Variants in PTPN4 observed in about 807,000 individuals in gnomAD.
PTPN4 encodes the protein tyrosine-protein phosphatase non-receptor type 4.
Under a neutral mutation model 135.5 loss-of-function variants are expected in PTPN4, and 49 were observed. The observed-to-expected ratio is 0.36, with a 90% CI of 0.29 to 0.46. PTPN4 has a LOEUF of 0.46. Ranked by LOEUF, PTPN4 falls within the 20% of genes least tolerant of loss-of-function variation. The pLI, the probability that PTPN4 is intolerant of heterozygous loss-of-function variation, is 1.00. For missense variants in PTPN4, 860 were observed against 1,101.0 expected (o/e 0.78, Z 3.10); for synonymous variants, 333 against 369.9 (o/e 0.90, Z 1.14).
At chr2:119,793,187 G>A (rs890928205) in intron 1 of PTPN4, among the ~76,000 whole-genome samples, 1 of 152,174 alleles carries the variant, frequency 6.6e-6, no homozygotes, top group Admixed American at 6.5e-5. Context: ...TAAGGCAGAC[G>A]CTCCCAGAGC....
At position 119,944,829 on chromosome 2, in the gene PTPN4, A is replaced by G. The variant is rs80046547; in HGVS notation, c.1356-252A>G. Among the ~76,000 whole-genome samples, 50 of 152,222 alleles carry G rather than the reference A, an allele frequency of 3.3e-4. No individual in the cohort carries two copies. In the East Asian group the frequency reaches 8.1e-3, roughly 25 times the overall value. On this transcript the variant is annotated intron_variant, in intron 15 of 26. Transcript: ENST00000263708. ...TTGGAAAGATGTTTACTTTGTTATA[A>G]TAGATTAATAGGTATCTTCACAGGA...
At chr2:119,910,934 G>C in intron 10 of PTPN4, among the ~76,000 whole-genome samples, 1 of 152,230 alleles carries the variant, frequency 6.6e-6, no homozygotes, top group South Asian at 2.1e-4. Flanking sequence ...TCACAACGTA[G>C]ATTAAATGTG....
chr2:119,766,448 G>GCA (rs1553430842), intron 1 of PTPN4, among the ~76,000 whole-genome samples: 113 of 71,532 alleles, frequency 1.6e-3, no homozygotes, highest in Non-Finnish European at 2.6e-3. Flanking sequence ...GCATGTGCGC[G>GCA]CGTGTGTGTG....
At position 119,885,872 on chromosome 2, in the gene PTPN4, A is replaced by G; in HGVS notation, c.665A>G (p.His222Arg). ...TTAGAACTCTATGGAGTTGAATTCC[A>G]CTATGCAAGGGTAAGTGAAGAAAAC... ...RTLELYGVEFHYARDQSNNEI... is the reference protein window; with the variant it reads ...RTLELYGVEFRYARDQSNNEI... The change falls in exon 9 of 27, where the codon CAC becomes CGC. Residue 222 changes from histidine to arginine, a missense_variant. His to Arg is a conservative substitution (Grantham distance 29). Transcript: ENST00000263708. 1 of 1,594,764 alleles carries G rather than the reference A, an allele frequency of 6.3e-7. No homozygotes were observed. Among genetic ancestry groups the G allele is most frequent in the Non-Finnish European group, 8.5e-7 (1 of 1,171,526 alleles).
intron 1 of PTPN4, among the ~76,000 whole-genome samples, chr2:119,769,220 G>C (rs1328894329): frequency 6.6e-6 from 1 of 152,196 alleles, no homozygotes; most frequent in Non-Finnish European, 1.5e-5. Flanking sequence ...TGTGTTAGAT[G>C]ATGGTGAAGT....
chr2:119,876,734 A>G (rs1558751814), intron 3 of PTPN4, among the ~76,000 whole-genome samples: 1 of 152,164 alleles, frequency 6.6e-6, no homozygotes, highest in Non-Finnish European at 1.5e-5. Context: ...AAAATCAATC[A>G]TTCTCAAAAC....
At position 119,926,616 on chromosome 2, in the gene PTPN4, A is replaced by G. The variant is rs199855189; in HGVS notation, c.1020A>G (p.Gln340=). ...ATTTCAGTGGGAGAACTGAAGTCCA[A>G]TCAGTTCAGTATGGCAAAGAAAAGG... ...KFRYCGRTEV[Q]SVQYGKEKAN... is the part of the protein sequence containing the mutation. Residue 340 remains glutamine, a synonymous_variant, in exon 13 of 27, where the codon CAA becomes CAG. Coordinates refer to ENST00000263708, the MANE Select transcript of PTPN4 (RefSeq NM_002830.4). 9.4e-5 allele frequency: 151 copies of G among 1,599,192 alleles called. 1 individual carries two copies. The highest frequency in any genetic ancestry group is 6.1e-4 in the South Asian group (54 of 88,626).
intron 25 of PTPN4, 21 bp from the exon 26 acceptor site, chr2:119,967,816 G>T: frequency 6.4e-7 from 1 of 1,573,830 alleles, no homozygotes; most frequent in Non-Finnish European, 8.7e-7. Context: ...GTAAGATCTT[G>T]CCTATATTTG....
chr2:119,855,744 T>G (rs1677666905), intron 2 of PTPN4, among the ~76,000 whole-genome samples: 1 of 152,180 alleles, frequency 6.6e-6, no homozygotes, highest in Non-Finnish European at 1.5e-5. Context: ...TGAGCAAGCA[T>G]CATACAAGGG....
chr2:119,968,047 A>C, intron 26 of PTPN4, 75 bp downstream of exon 26: 1 of 1,177,896 alleles, frequency 8.5e-7, no homozygotes, highest in Non-Finnish European at 1.1e-6. Flanking sequence ...ATTCTAAATC[A>C]TATTTTTATC....
At chr2:119,882,729 C>T (rs1468397786) in intron 8 of PTPN4, 106 bp downstream of exon 8, 1 of 925,172 alleles carries the variant, frequency 1.1e-6, no homozygotes, top group African/African-American at 1.8e-5. Context: ...AGAACAATTA[C>T]TGTTACCTAA....
intron 10 of PTPN4, among the ~76,000 whole-genome samples, chr2:119,905,839 TAAAC>T (rs1473421023): frequency 1.3e-5 from 2 of 152,008 alleles, no homozygotes; most frequent in African/African-American, 2.4e-5. Context: ...ACATGGAAAT[TAAAC>T]AACACTCTCC....
At chr2:119,817,921 C>T (rs995805333) in intron 2 of PTPN4, among the ~76,000 whole-genome samples, 5 of 151,988 alleles carry the variant, frequency 3.3e-5, no homozygotes, top group African/African-American at 9.7e-5. Context: ...CTTTTTGTGG[C>T]GGTTGTGAAT....
At chr2:119,867,987 C>A (rs1187612998) in intron 3 of PTPN4, among the ~76,000 whole-genome samples, 3 of 152,182 alleles carry the variant, frequency 2.0e-5, no homozygotes, top group African/African-American at 4.8e-5. Context: ...CGCAGACTAC[C>A]TTGTCTTGTT....
intron 11 of PTPN4, among the ~76,000 whole-genome samples, chr2:119,918,463 T>C (rs935275297): frequency 1.3e-5 from 2 of 152,212 alleles, no homozygotes; most frequent in African/African-American, 4.8e-5. Flanking sequence ...TAGAAATATA[T>C]GCCAGTGAAT....
intron 2 of PTPN4, among the ~76,000 whole-genome samples, chr2:119,858,593 C>T (rs1677714727): frequency 1.3e-5 from 2 of 152,000 alleles, no homozygotes; most frequent in Admixed American, 6.6e-5. Flanking sequence ...TCTTGTCCCA[C>T]AGGTTGCTGA....
At chr2:119,810,024 C>A in intron 2 of PTPN4, 33 bp downstream of exon 2, 1 of 1,578,162 alleles carries the variant, frequency 6.3e-7, no homozygotes, top group Non-Finnish European at 8.6e-7. Context: ...AAAATAATCT[C>A]TGGCTATAAG....
At chr2:119,849,175 T>C (rs993857203) in intron 2 of PTPN4, among the ~76,000 whole-genome samples, 1 of 152,230 alleles carries the variant, frequency 6.6e-6, no homozygotes, top group Non-Finnish European at 1.5e-5. Context: ...CTTTGAAGTA[T>C]TGTTCAGTCT....
intron 14 of PTPN4, 122 bp downstream of exon 14, chr2:119,932,671 AT>A: frequency 8.4e-7 from 1 of 1,184,524 alleles, no homozygotes. Context: ...GTGAAACATG[AT>A]TTTTGTTGCT....
Sources: gnomAD v4.1 joint callset for allele counts (sites outside exome capture counted in the v4.1 genomes callset) on GRCh38, gnomAD v4.1.1 for gene constraint, MANE v1.5 for transcripts, NCBI Gene and HGNC (gene_info 2026-07-23, HGNC 2026-07-21) for gene names.